Variants in BABAM2 observed in about 807,000 individuals in gnomAD.
The protein encoded by BABAM2 is BRISC and BRCA1 A complex member 2.
In BABAM2, 31 loss-of-function variants were observed where a neutral mutation model predicts 54.7. That is an observed-to-expected ratio of 0.57 (90% CI 0.43 to 0.77). The LOEUF (loss-of-function observed/expected upper bound fraction) is 0.77, where lower values mean the gene tolerates loss of function less well. Ranked by LOEUF, BABAM2 falls within the 30% of genes least tolerant of loss-of-function variation. BABAM2 has a pLI of 0.00. For synonymous variants in BABAM2, 167 were observed against 162.9 expected (o/e 1.03, Z -0.19); for missense variants, 364 against 455.8 (o/e 0.80, Z 1.83).
At chr2:28,223,238 G>A (rs776460940) in intron 7 of BABAM2, among the ~76,000 whole-genome samples, 19 of 152,160 alleles carry the variant, frequency 1.2e-4, no homozygotes, top group Non-Finnish European at 2.1e-4. Context: ...CACACTTATA[G>A]CCTCCTCAAT....
chr2:28,230,567 A>AC (rs1489662220), intron 7 of BABAM2, among the ~76,000 whole-genome samples: 1 of 151,112 alleles, frequency 6.6e-6, no homozygotes, highest in Non-Finnish European at 1.5e-5. Flanking sequence ...ATACAAAAAA[A>AC]AAAAAAATTA....
intron 7 of BABAM2, among the ~76,000 whole-genome samples, chr2:28,183,462 T>C (rs1558414475): frequency 6.6e-6 from 1 of 152,014 alleles, no homozygotes; most frequent in African/African-American, 2.4e-5. Context: ...TTACAAAACA[T>C]ATTTCTTCCC....
intron 8 of BABAM2, among the ~76,000 whole-genome samples, chr2:28,239,144 T>C (rs1193434161): frequency 6.6e-6 from 1 of 152,198 alleles, no homozygotes; most frequent in East Asian, 1.9e-4. Flanking sequence ...AGCAAACTTA[T>C]CATCTGTTTT....
At chr2:28,066,679 G>A (rs1663614125) in intron 6 of BABAM2, among the ~76,000 whole-genome samples, 1 of 152,164 alleles carries the variant, frequency 6.6e-6, no homozygotes, top group South Asian at 2.1e-4. Context: ...AAGGCTTGAT[G>A]CCTCATCACA....
intron 10 of BABAM2, among the ~76,000 whole-genome samples, chr2:28,273,717 C>CA (rs887856186): frequency 1.1e-4 from 17 of 151,138 alleles, no homozygotes; most frequent in South Asian, 4.2e-4. Flanking sequence ...AGACTGTCTC[C>CA]AAAAAAAATA....
chr2:28,062,064 C>T (rs1678918213), intron 6 of BABAM2, among the ~76,000 whole-genome samples: 1 of 152,044 alleles, frequency 6.6e-6, no homozygotes, highest in Non-Finnish European at 1.5e-5. Context: ...TCGAGACCAG[C>T]CTGGCCAACG....
chr2:28,295,502 C>CA (rs1553360709), intron 10 of BABAM2, among the ~76,000 whole-genome samples: 4 of 147,138 alleles, frequency 2.7e-5, no homozygotes, highest in Non-Finnish European at 6.0e-5. Context: ...TGTGAATAGG[C>CA]TTTTTTTTTT....
At chr2:28,110,719 A>C (rs951845442) in intron 6 of BABAM2, among the ~76,000 whole-genome samples, 1 of 152,146 alleles carries the variant, frequency 6.6e-6, no homozygotes, top group Non-Finnish European at 1.5e-5. Flanking sequence ...TGGAGTATCT[A>C]TTCAGAAGTG....
In BABAM2 at chr2:28,026,831, T is replaced by G. The variant is rs1377567140; in HGVS notation, c.495+1411T>G. Among the ~76,000 whole-genome samples, 5 of 52,556 alleles carry G rather than the reference T, an allele frequency of 9.5e-5. No individual in the cohort carries two copies. The South Asian group carries it at 1.9e-3, about 20-fold the overall frequency. The allele number at this position is 52,556 out of a possible 152,430, so 34.5% of individuals were successfully genotyped here. ...ATATATAAATATATATTTATATATA[T>G]AAATATATATAAATATATATTTATA... On this transcript the variant is annotated intron_variant, in intron 5 of 11. Transcript: ENST00000379624.
intron 7 of BABAM2, among the ~76,000 whole-genome samples, chr2:28,182,761 G>C (rs1315050934): frequency 6.6e-6 from 1 of 152,194 alleles, no homozygotes; most frequent in African/African-American, 2.4e-5. Context: ...TGACTCTGCT[G>C]TGATTAATAA....
chr2:27,896,075 A>G (rs1238812579), intron 2 of BABAM2: 1 of 151,860 alleles, frequency 6.6e-6, no homozygotes, highest in Non-Finnish European at 1.5e-5. Context: ...GATGGAGGAA[A>G]TTTCACTGGA....
At chr2:28,046,942 GT>G (rs1438712392) in intron 6 of BABAM2, among the ~76,000 whole-genome samples, 1 of 151,654 alleles carries the variant, frequency 6.6e-6, no homozygotes, top group Admixed American at 6.6e-5. Flanking sequence ...CTAATTTTTT[GT>G]TTTTTGTAGA....
intron 2 of BABAM2, among the ~76,000 whole-genome samples, chr2:27,895,340 C>A (rs955787955): frequency 1.3e-5 from 2 of 152,184 alleles, no homozygotes; most frequent in Non-Finnish European, 2.9e-5. Flanking sequence ...CCAACAGTGA[C>A]AGTTCCTCAA....
At chr2:28,150,346 A>G (rs1671907073) in intron 7 of BABAM2, among the ~76,000 whole-genome samples, 1 of 152,210 alleles carries the variant, frequency 6.6e-6, no homozygotes. Flanking sequence ...TTTGCAGGGT[A>G]TCTTACAGTA....
At chr2:27,997,883 G>C (rs887049848) in intron 4 of BABAM2, among the ~76,000 whole-genome samples, 1 of 152,124 alleles carries the variant, frequency 6.6e-6, no homozygotes, top group Non-Finnish European at 1.5e-5. Context: ...GGCCAGGCAT[G>C]GTGGCTCAGG....
At chr2:27,912,666 AG>A (rs2148309112) in intron 2 of BABAM2, among the ~76,000 whole-genome samples, 1 of 152,334 alleles carries the variant, frequency 6.6e-6, no homozygotes, top group African/African-American at 2.4e-5. Context: ...TACCTTTAGA[AG>A]TTCCAAAGGA....
chr2:28,141,969 G>T (rs1671104029), intron 7 of BABAM2, among the ~76,000 whole-genome samples: 1 of 152,110 alleles, frequency 6.6e-6, no homozygotes, highest in South Asian at 2.1e-4. Flanking sequence ...TAAAGTAATG[G>T]TATGGTTCTT....
At chr2:28,082,846 G>GCCT (rs1665297468) in intron 6 of BABAM2, among the ~76,000 whole-genome samples, 1 of 151,996 alleles carries the variant, frequency 6.6e-6, no homozygotes, top group South Asian at 2.1e-4. Context: ...TGCTGTGGAG[G>GCCT]CCTCACCTTT....
At chr2:28,292,868 G>T (rs1472475433) in intron 10 of BABAM2, among the ~76,000 whole-genome samples, 2 of 152,330 alleles carry the variant, frequency 1.3e-5, no homozygotes, top group East Asian at 3.9e-4. Context: ...AGAAGGTTCT[G>T]CCCATAAGAA....
Sources: gnomAD v4.1 joint callset for allele counts (sites outside exome capture counted in the v4.1 genomes callset) on GRCh38, gnomAD v4.1.1 for gene constraint, MANE v1.5 for transcripts, NCBI Gene and HGNC (gene_info 2026-07-23, HGNC 2026-07-21) for gene names.